Variants in ASCC3 observed in about 807,000 individuals in gnomAD.
The protein encoded by ASCC3 is activating signal cointegrator 1 complex subunit 3, also known as ASC-1 complex subunit P200.
ASCC3 carries 158 observed loss-of-function variants against 256.3 expected under a neutral mutation model. The observed-to-expected ratio is 0.62, with a 90% CI of 0.54 to 0.70. The LOEUF (loss-of-function observed/expected upper bound fraction) is 0.70, where lower values mean the gene tolerates loss of function less well. Among genes scored for constraint, ASCC3 ranks in the 30% least tolerant of loss-of-function variants. The probability of loss-of-function intolerance (pLI) is 0.00; values close to 1 mark genes in which losing one functional copy is unlikely to be tolerated. For missense variants in ASCC3, 2,259 were observed against 2,626.0 expected (o/e 0.86, Z 3.05); for synonymous variants, 948 against 883.4 (o/e 1.07, Z -1.30).
At chr6:100,800,930 A>G (rs1031952976) in intron 5 of ASCC3, among the ~76,000 whole-genome samples, 1 of 152,076 alleles carries the variant, frequency 6.6e-6, no homozygotes, top group Non-Finnish European at 1.5e-5. Flanking sequence ...TTACTATGTA[A>G]TAGACCTTAT....
At chr6:100,635,456 C>T (rs114319157) in intron 25 of ASCC3, among the ~76,000 whole-genome samples, 1,756 of 152,120 alleles carry the variant, frequency 0.012, 25 homozygotes, top group African/African-American at 0.039. Context: ...TGAGGAGATA[C>T]TGGTCAACAG....
intron 37 of ASCC3, among the ~76,000 whole-genome samples, chr6:100,522,204 T>A (rs1253415040): frequency 2.6e-5 from 4 of 152,032 alleles, no homozygotes. Flanking sequence ...GAAACATGAA[T>A]GGGGGCTGAC....
At chr6:100,564,887 A>G (rs1770150468) in intron 36 of ASCC3, among the ~76,000 whole-genome samples, 2 of 152,196 alleles carry the variant, frequency 1.3e-5, no homozygotes, top group African/African-American at 2.4e-5. Context: ...CAGTACCTGT[A>G]TAAAAGAATA....
chr6:100,665,479 C>T (rs1439441086), intron 14 of ASCC3, among the ~76,000 whole-genome samples: 3 of 151,862 alleles, frequency 2.0e-5, no homozygotes, highest in Admixed American at 6.6e-5. Context: ...AATCCTAGCA[C>T]TTTGGAAGGG....
rs1375073679 is a variant in ASCC3, at chr6:100,629,154, A to C, written c.4236T>G (p.Thr1412=). Residue 1412 remains threonine (T), a synonymous_variant, in exon 27 of 42, where the codon ACT becomes ACG. Transcript: ENST00000369162. The part of the protein sequence containing the change: ...KKVIELTGDV[T]PDMKSIAKAD... The stretch of plus-strand genomic sequence containing the variant: ...CCTTGGCAATGGATTTCATATCAGG[A>C]GTCACATCCCCTGTTAGTTCAATAA... 1 of 1,613,510 alleles carries C rather than the reference A, an allele frequency of 6.2e-7. No homozygotes were observed. The highest frequency in any genetic ancestry group is 1.7e-5 in the Admixed American group (1 of 59,924).
At chr6:100,519,018 C>A (rs910595261) in intron 37 of ASCC3, among the ~76,000 whole-genome samples, 3 of 151,984 alleles carry the variant, frequency 2.0e-5, no homozygotes, top group African/African-American at 4.8e-5. Context: ...TCAATGACAG[C>A]AAAATATTTA....
intron 30 of ASCC3, among the ~76,000 whole-genome samples, chr6:100,613,832 A>G (rs1773529818): frequency 6.6e-6 from 1 of 152,060 alleles, no homozygotes; most frequent in South Asian, 2.1e-4. Flanking sequence ...GCATCCTCAT[A>G]GATGATAATA....
At chr6:100,641,126 T>A (rs1320189457) in intron 24 of ASCC3, among the ~76,000 whole-genome samples, 1 of 152,204 alleles carries the variant, frequency 6.6e-6, no homozygotes, top group African/African-American at 2.4e-5. Context: ...CATAGGGCAC[T>A]TAAAAGTATC....
intron 13 of ASCC3, among the ~76,000 whole-genome samples, chr6:100,700,231 C>T (rs1486082369): frequency 6.6e-6 from 1 of 152,076 alleles, no homozygotes; most frequent in Non-Finnish European, 1.5e-5. Flanking sequence ...TGCCTTCCAT[C>T]CCAGCTGCTC....
intron 33 of ASCC3, among the ~76,000 whole-genome samples, chr6:100,602,953 C>A (rs934472124): frequency 2.5e-4 from 38 of 152,058 alleles, no homozygotes; most frequent in African/African-American, 8.7e-4. Flanking sequence ...ATGTTACTCT[C>A]AGGTCACCAG....
At chr6:100,623,023 T>C (rs1233704415) in intron 30 of ASCC3, among the ~76,000 whole-genome samples, 1 of 152,132 alleles carries the variant, frequency 6.6e-6, no homozygotes, top group Non-Finnish European at 1.5e-5. Context: ...CAAAGAAAAG[T>C]GTCCATTTGG....
At chr6:100,712,815 T>C (rs1184664720) in intron 13 of ASCC3, among the ~76,000 whole-genome samples, 2 of 132,208 alleles carry the variant, frequency 1.5e-5, no homozygotes, top group East Asian at 4.6e-4. Flanking sequence ...TGGAGCACAG[T>C]GACACCATCT....
chr6:100,851,596 T>A (rs1413987759), intron 3 of ASCC3, among the ~76,000 whole-genome samples: 1 of 152,140 alleles, frequency 6.6e-6, no homozygotes, highest in African/African-American at 2.4e-5. Context: ...AATCTATAAT[T>A]TCAAAAATCA....
rs983647166 is a variant in ASCC3 at position 100,878,739 on chromosome 6, G to A, written c.-42+2322C>T. ...GGAATTTACGCCTGCCCTCTTGTGA[G>A]AGTGGAAAAAACTCAAACCGTTTTT... On this transcript the variant is annotated intron_variant, in intron 1 of 41. Coordinates refer to ENST00000369162, the MANE Select transcript of ASCC3 (RefSeq NM_006828.4). Among the ~76,000 whole-genome samples, 11 of 152,290 alleles carry A rather than the reference G, an allele frequency of 7.2e-5. No homozygotes were observed. In the South Asian group the frequency reaches 2.3e-3, roughly 32 times the overall value.
chr6:100,674,220 G>A (rs1776896357), intron 14 of ASCC3, among the ~76,000 whole-genome samples: 1 of 151,144 alleles, frequency 6.6e-6, no homozygotes, highest in Admixed American at 6.6e-5. Context: ...TTCAGAATTG[G>A]GTACTATTAT....
chr6:100,658,299 A>G (rs910343935), intron 16 of ASCC3, among the ~76,000 whole-genome samples: 7 of 151,516 alleles, frequency 4.6e-5, no homozygotes, highest in African/African-American at 1.2e-4. Flanking sequence ...CGAATTTGGT[A>G]ATTTAGAAAT....
chr6:100,733,351 T>C (rs906443348), intron 10 of ASCC3, among the ~76,000 whole-genome samples: 1 of 152,108 alleles, frequency 6.6e-6, no homozygotes, highest in African/African-American at 2.4e-5. Flanking sequence ...TGGGTGGTGT[T>C]TGGGTCATGA....
At chr6:100,544,814 G>C (rs1775629149) in intron 36 of ASCC3, among the ~76,000 whole-genome samples, 1 of 152,076 alleles carries the variant, frequency 6.6e-6, no homozygotes, top group South Asian at 2.1e-4. Context: ...CAACTAATTT[G>C]ATGGCACCAG....
rs1378985539 is a variant in ASCC3 at position 100,590,076 on chromosome 6, G to A, written c.5304-17C>T. On this transcript the variant is annotated splice_polypyrimidine_tract_variant and intron_variant, in intron 34 of 41. Transcript: ENST00000369162. Reference sequence around the variant, plus strand: ...TTGTAATAGCTAGAAAACAAGCAAGGTTATTATTATTTGTTTCAAGACATT... The same window carrying A: ...TTGTAATAGCTAGAAAACAAGCAAGATTATTATTATTTGTTTCAAGACATT... The A allele has an allele frequency of 6.5e-7, 1 of 1,549,112 alleles. No homozygotes were observed. The highest frequency in any genetic ancestry group is 8.9e-7 in the Non-Finnish European group (1 of 1,121,294).
Sources: gnomAD v4.1 joint callset for allele counts (sites outside exome capture counted in the v4.1 genomes callset) on GRCh38, gnomAD v4.1.1 for gene constraint, MANE v1.5 for transcripts, NCBI Gene and HGNC (gene_info 2026-07-23, HGNC 2026-07-21) for gene names.